GRID1: variants seen among roughly 807,000 people sequenced by gnomAD.
GRID1 encodes the protein glutamate ionotropic receptor delta type subunit 1, also known as glutamate receptor ionotropic, delta-1.
Under a neutral mutation model 98.0 loss-of-function variants are expected in GRID1, and 28 were observed. The observed-to-expected ratio is 0.29, with a 90% CI of 0.21 to 0.39. The LOEUF (loss-of-function observed/expected upper bound fraction) is 0.39. Ranked by LOEUF, GRID1 falls within the 10% of genes least tolerant of loss-of-function variation. GRID1 has a pLI of 1.00. For missense variants in GRID1, 1,111 were observed against 1,340.5 expected (o/e 0.83, Z 2.67); for synonymous variants, 553 against 538.5 (o/e 1.03, Z -0.37).
At chr10:85,618,750 G>A (rs2132520381) in intron 14 of GRID1, among the ~76,000 whole-genome samples, 1 of 152,240 alleles carries the variant, frequency 6.6e-6, no homozygotes, top group East Asian at 1.9e-4. Context: ...GTGAGAGAAG[G>A]GAGGTCGTGG....
At chr10:86,033,326 T>C (rs1843212318) in intron 4 of GRID1, among the ~76,000 whole-genome samples, 1 of 150,924 alleles carries the variant, frequency 6.6e-6, no homozygotes, top group Non-Finnish European at 1.5e-5. Flanking sequence ...GAGCACTTGC[T>C]GCCCGGCTTG....
At chr10:86,047,756 G>T (rs540471990) in intron 4 of GRID1, among the ~76,000 whole-genome samples, 1 of 152,128 alleles carries the variant, frequency 6.6e-6, no homozygotes, top group Non-Finnish European at 1.5e-5. Flanking sequence ...GGAAAAAAAT[G>T]ACTTTTAATC....
chr10:86,260,793 C>G (rs1457288586), intron 2 of GRID1, among the ~76,000 whole-genome samples: 2 of 152,230 alleles, frequency 1.3e-5, no homozygotes, highest in East Asian at 3.9e-4. Context: ...CCCCTTCATT[C>G]AGACTCCACA....
chr10:85,731,508 C>T (rs1841821107), intron 8 of GRID1, among the ~76,000 whole-genome samples: 1 of 151,286 alleles, frequency 6.6e-6, no homozygotes, highest in African/African-American at 2.4e-5. Flanking sequence ...TCCATTGGAC[C>T]TTAAAAAATA....
At chr10:86,131,087 GT>G (rs1359048502) in intron 4 of GRID1, among the ~76,000 whole-genome samples, 2 of 152,218 alleles carry the variant, frequency 1.3e-5, no homozygotes, top group African/African-American at 4.8e-5. Context: ...GGCACCAGAT[GT>G]GGACTACATG....
At position 86,163,161 on chromosome 10, in the gene GRID1, T is replaced by C. The variant is rs189283706; in HGVS notation, c.521-24137A>G. On this transcript the variant is annotated intron_variant, in intron 3 of 15. Transcript: ENST00000327946. ...CTCAGTGCCCTTTATGCATCCCAGG[T>C]TGTCATGGGGCAGGCTGGAGCCACT... 3.0e-3 allele frequency among the ~76,000 whole-genome samples: 457 copies of C among 152,220 alleles called. 1 individual carries two copies. Among genetic ancestry groups the C allele is most frequent in the African/African-American group, 0.01 (430 of 41,554 alleles).
At chr10:85,839,923 A>G (rs1481828734) in intron 8 of GRID1, among the ~76,000 whole-genome samples, 1 of 152,184 alleles carries the variant, frequency 6.6e-6, no homozygotes, top group African/African-American at 2.4e-5. Flanking sequence ...AAAGCAGCAT[A>G]TTACCATTGA....
At position 86,192,778 on chromosome 10, in the gene GRID1, G is replaced by A. The variant is rs538627210; in HGVS notation, c.520+13586C>T. ...GGTAGAATCCAGCACACAGGACCAG[G>A]GCCAACAGGTGATGTTCACACCGAT... On this transcript the variant is annotated intron_variant, in intron 3 of 15. Coordinates refer to ENST00000327946, the MANE Select transcript of GRID1 (RefSeq NM_017551.3). The surrounding 1 kb of genome is among the most constrained non-coding windows in gnomAD (Gnocchi z 4.8). 6.6e-6 allele frequency among the ~76,000 whole-genome samples: 1 copy of A among 152,094 alleles called. No homozygotes were observed. The highest frequency in any genetic ancestry group is 2.4e-5 in the African/African-American group (1 of 41,518).
rs1377670510 is a variant in GRID1, at chr10:85,714,649, TA to T, written c.1997+8353del. Reference sequence around the variant, plus strand: ...AAAAACAATTCTATTTAAAATAGCATAAAAATAAAATTCTGGTGTATAAATT... The same window carrying T: ...AAAAACAATTCTATTTAAAATAGCATAAAATAAAATTCTGGTGTATAAATT... On this transcript the variant is annotated intron_variant, in intron 12 of 15. Transcript: ENST00000327946. 9.9e-5 allele frequency among the ~76,000 whole-genome samples: 15 copies of T among 152,054 alleles called. No individual in the cohort carries two copies. The East Asian group carries it at 2.7e-3, about 27-fold the overall frequency.
chr10:85,651,445 G>A (rs1489446301), intron 12 of GRID1, among the ~76,000 whole-genome samples: 10 of 152,160 alleles, frequency 6.6e-5, no homozygotes, highest in Non-Finnish European at 2.9e-5. Context: ...AGAAGCCTAT[G>A]GCCCATCTTG....
rs79146647 is a variant in GRID1 at position 86,219,217 on chromosome 10, C to T, written c.236-12569G>A. 9.3e-3 allele frequency among the ~76,000 whole-genome samples: 1,414 copies of T among 152,304 alleles called. 20 individuals are homozygous for T. Among genetic ancestry groups the T allele is most frequent in the Middle Eastern group, 0.031 (9 of 294 alleles). The stretch of plus-strand genomic sequence containing the variant: ...AAGCCTGCCAATGGGCAGGTCTAGC[C>T]CATTCCCTCAAGGGGAATGTGCCAC... On this transcript the variant is annotated intron_variant, in intron 2 of 15. Coordinates refer to ENST00000327946, the MANE Select transcript of GRID1 (RefSeq NM_017551.3).
At chr10:86,107,762 A>G (rs1844413548) in intron 4 of GRID1, among the ~76,000 whole-genome samples, 1 of 152,178 alleles carries the variant, frequency 6.6e-6, no homozygotes, top group Non-Finnish European at 1.5e-5. Context: ...GGAGCACTTC[A>G]GCAGGTACCG....
At chr10:86,179,980 G>T (rs1368192605) in intron 3 of GRID1, among the ~76,000 whole-genome samples, 1 of 152,184 alleles carries the variant, frequency 6.6e-6, no homozygotes, top group Non-Finnish European at 1.5e-5. Context: ...GACGCAGAAG[G>T]GTCTGAATCC....
chr10:85,789,779 G>A (rs1406209977), intron 8 of GRID1, among the ~76,000 whole-genome samples: 1 of 152,146 alleles, frequency 6.6e-6, no homozygotes, highest in African/African-American at 2.4e-5. Context: ...GAGGCCAAGA[G>A]CAGGGGGTGG....
intron 2 of GRID1, among the ~76,000 whole-genome samples, chr10:86,248,014 G>A (rs758429092): frequency 6.6e-6 from 1 of 152,234 alleles, no homozygotes; most frequent in African/African-American, 2.4e-5. Flanking sequence ...AGAGATGGGG[G>A]ATCAACAAGA....
intron 4 of GRID1, among the ~76,000 whole-genome samples, chr10:86,128,841 TG>T (rs1160166556): frequency 6.6e-6 from 1 of 152,184 alleles, no homozygotes; most frequent in Non-Finnish European, 1.5e-5. Flanking sequence ...CATCAGTCAC[TG>T]GGCATGTTCT....
At chr10:85,621,072 C>T (rs1007893944) in intron 13 of GRID1, among the ~76,000 whole-genome samples, 1 of 152,180 alleles carries the variant, frequency 6.6e-6, no homozygotes, top group East Asian at 1.9e-4. Flanking sequence ...GGAGTTTGGG[C>T]ACTCGGAGGG....
At chr10:85,835,563 T>C (rs1842905307) in intron 8 of GRID1, among the ~76,000 whole-genome samples, 1 of 152,210 alleles carries the variant, frequency 6.6e-6, no homozygotes, top group African/African-American at 2.4e-5. Flanking sequence ...TTGTGAGGCC[T>C]ACCCAGTCAT....
intron 4 of GRID1, among the ~76,000 whole-genome samples, chr10:86,001,155 T>C (rs996203443): frequency 6.6e-6 from 1 of 152,184 alleles, no homozygotes; most frequent in African/African-American, 2.4e-5. Flanking sequence ...ACCATCATGA[T>C]GGAGAACAAA....
Sources: gnomAD v4.1 joint callset for allele counts (sites outside exome capture counted in the v4.1 genomes callset) on GRCh38, gnomAD v4.1.1 for gene constraint, Gnocchi (gnomAD v3.1) non-coding constraint, MANE v1.5 for transcripts, NCBI Gene and HGNC (gene_info 2026-07-23, HGNC 2026-07-21) for gene names.